The following AARS1 variants were observed in gnomAD, a reference collection of about 807,000 sequenced individuals.
AARS1 encodes alanyl-tRNA synthetase 1.
In AARS1, 72 loss-of-function variants were observed where a neutral mutation model predicts 108.9. The ratio of observed to expected loss-of-function variants is 0.66; its 90% CI spans 0.55 to 0.80. AARS1 has a LOEUF of 0.80. AARS1 is among the 30% of genes least tolerant of loss of function. AARS1 has a pLI of 0.00. For synonymous variants in AARS1, 489 were observed against 465.7 expected (o/e 1.05, Z -0.64); for missense variants, 1,193 against 1,233.2 (o/e 0.97, Z 0.49).
intron 2 of AARS1, among the ~76,000 whole-genome samples, chr16:70,279,982 C>G (rs1960655579): frequency 6.6e-6 from 1 of 152,158 alleles, no homozygotes; most frequent in African/African-American, 2.4e-5. Context: ...CTCCTGGGCT[C>G]AAGCAATACT....
chr16:70,279,325 G>T (rs59384897), intron 2 of AARS1, among the ~76,000 whole-genome samples: 9,387 of 136,726 alleles, frequency 0.069, 1,088 homozygotes, highest in African/African-American at 0.24. Flanking sequence ...AATTCCAGCT[G>T]GGGTGACAGG....
chr16:70,286,548 A>T (rs1220970795), intron 1 of AARS1, among the ~76,000 whole-genome samples: 1 of 152,120 alleles, frequency 6.6e-6, no homozygotes, highest in Non-Finnish European at 1.5e-5. Context: ...TTTAAAAAAA[A>T]TTTTTGAGGC....
At chr16:70,281,602 A>G (rs895570515) in intron 2 of AARS1, among the ~76,000 whole-genome samples, 2 of 152,172 alleles carry the variant, frequency 1.3e-5, no homozygotes, top group Non-Finnish European at 2.9e-5. Context: ...GGAGGCAGAG[A>G]TTGCAGTGAG....
chr16:70,267,096 A>G (rs1960281934), intron 9 of AARS1, among the ~76,000 whole-genome samples: 1 of 152,186 alleles, frequency 6.6e-6, no homozygotes, highest in Admixed American at 6.5e-5. Context: ...TCGGCATCCC[A>G]AAGTGCTAGG....
At chr16:70,268,606 A>G (rs1009524305) in intron 7 of AARS1, among the ~76,000 whole-genome samples, 2 of 152,120 alleles carry the variant, frequency 1.3e-5, no homozygotes, top group African/African-American at 4.8e-5. Flanking sequence ...TTCCTTTCAC[A>G]TTCAGTTACC....
chr16:70,256,727 C>T (rs1283299371), intron 15 of AARS1, among the ~76,000 whole-genome samples: 1 of 152,142 alleles, frequency 6.6e-6, no homozygotes, highest in African/African-American at 2.4e-5. Context: ...ACTCAATCCC[C>T]CAGGCCCCTA....
intron 6 of AARS1, 79 bp from the exon 7 acceptor site, chr16:70,269,842 A>G (rs1960354847): frequency 3.8e-6 from 6 of 1,560,478 alleles, no homozygotes; most frequent in South Asian, 2.2e-5. Flanking sequence ...TTCCTGGAGG[A>G]TTGAGGAGCA....
chr16:70,282,650 AG>A lies in AARS1; in HGVS notation c.113del (p.Thr38IlefsTer9), dbSNP rs1236136790. The A allele has an allele frequency of 6.2e-7, 1 of 1,614,228 alleles. No individual in the cohort carries two copies. The highest frequency in any genetic ancestry group is 1.1e-5 in the South Asian group (1 of 91,090). ...TCATGCCTGCATTGGCAAAGAGCAAAGTGGGGTCATCCAATGGGATGGTGGC... is the reference window on the plus strand; with the variant it reads ...TCATGCCTGCATTGGCAAAGAGCAAATGGGGTCATCCAATGGGATGGTGGC... ...SSATIPLDDP[T>X]LLFANAGMNQ... On this transcript the variant is annotated frameshift_variant, in exon 2 of 21. Transcript: ENST00000261772. LOFTEE classifies it high-confidence loss of function.
rs760103147 is a variant in AARS1 at position 70,276,511 on chromosome 16, A to G, written c.454T>C (p.Cys152Arg). ...EAAGLEADLE[C>R]KQIWQNLGLD... Reference sequence around the variant, plus strand: ...CCCAAATTTTGCCAGATCTGTTTGCATTCCAGATCTGCTTCTAAGCCAGCT... The same window carrying G: ...CCCAAATTTTGCCAGATCTGTTTGCGTTCCAGATCTGCTTCTAAGCCAGCT... Residue 152 changes from cysteine (C) to arginine (R), a missense_variant, in exon 4 of 21, where the codon TGC becomes CGC. Physicochemically the swap from Cys to Arg is radical, Grantham distance 180 (BLOSUM62 -3). Transcript: ENST00000261772. 1 of 1,614,132 alleles carries G rather than the reference A, an allele frequency of 6.2e-7. No individual in the cohort carries two copies. Among genetic ancestry groups the G allele is most frequent in the Non-Finnish European group, 8.5e-7 (1 of 1,180,044 alleles).
At chr16:70,257,704 A>C (rs1041172742) in intron 15 of AARS1, among the ~76,000 whole-genome samples, 1 of 152,134 alleles carries the variant, frequency 6.6e-6, no homozygotes, top group African/African-American at 2.4e-5. Flanking sequence ...CTCAACAAGC[A>C]CTCCAGGCCT....
At chr16:70,288,002 C>A in intron 1 of AARS1, among the ~76,000 whole-genome samples, 1 of 151,526 alleles carries the variant, frequency 6.6e-6, no homozygotes. Flanking sequence ...TGACCTCAGG[C>A]GATCTGCCCG....
intron 1 of AARS1, among the ~76,000 whole-genome samples, chr16:70,287,075 C>T (rs1326977693): frequency 2.6e-5 from 4 of 151,680 alleles, no homozygotes; most frequent in Admixed American, 6.6e-5. Flanking sequence ...CACGGTGAAA[C>T]CCCGTCTCTA....
At chr16:70,274,741 T>C in intron 4 of AARS1, among the ~76,000 whole-genome samples, 1 of 33,062 alleles carries the variant, frequency 3.0e-5, no homozygotes, top group Non-Finnish European at 6.0e-5. Context: ...GGTGGGGGAG[T>C]GGAGTGGGGG....
intron 16 of AARS1, among the ~76,000 whole-genome samples, chr16:70,255,193 C>CCTTTTTT (rs1567601605): frequency 2.4e-5 from 3 of 124,740 alleles, no homozygotes; most frequent in African/African-American, 9.5e-5. Context: ...GCCAGATTCA[C>CCTTTTTT]ATTTTTTTTT....
chr16:70,253,253 C>G lies in AARS1; in HGVS notation c.2721+15G>C, dbSNP rs377325175. The G allele has an allele frequency of 5.1e-5, 81 of 1,581,798 alleles. No homozygotes were observed. The highest frequency in any genetic ancestry group is 6.8e-5 in the Non-Finnish European group (78 of 1,150,974). Reference sequence around the variant, plus strand: ...TAAGACCTAACACTTCCCACTGGTGCGAGGTGGTGCTGACCTGGGGAACTT... The same window carrying G: ...TAAGACCTAACACTTCCCACTGGTGGGAGGTGGTGCTGACCTGGGGAACTT... On this transcript the variant is annotated intron_variant, in intron 20 of 20. Transcript: ENST00000261772.
chr16:70,261,651 A>G (rs1396888997), intron 12 of AARS1, among the ~76,000 whole-genome samples: 1 of 147,472 alleles, frequency 6.8e-6, no homozygotes, highest in African/African-American at 2.5e-5. Flanking sequence ...GACATAACCA[A>G]TATTAAGGAG....
Position 70,282,694 on chromosome 16 carries a change from T to G in AARS1, c.70A>C (p.Thr24Pro), listed in dbSNP as rs768158204. 1.3e-5 allele frequency: 21 copies of G among 1,614,162 alleles called. No individual in the cohort carries two copies. The highest frequency in any genetic ancestry group is 1.8e-5 in the Non-Finnish European group (21 of 1,180,030). Residue 24 changes from threonine (T) to proline (P), a missense_variant, in exon 2 of 21, where the codon ACG becomes CCG. Physicochemically the swap from Thr to Pro is conservative, Grantham distance 38 (BLOSUM62 -1). Transcript: ENST00000261772. ...ATGGTGGCAGACGAGTGAACATACGTATGCTCGTTCCTCTTGAAGAAATCT... is the reference window on the plus strand; with the variant it reads ...ATGGTGGCAGACGAGTGAACATACGGATGCTCGTTCCTCTTGAAGAAATCT... ...FIDFFKRNEH[T>P]YVHSSATIPL...
Position 70,268,365 on chromosome 16 carries a change from C to T in AARS1, c.977G>A (p.Arg326Gln). 3.1e-6 allele frequency: 5 copies of T among 1,614,090 alleles called. No homozygotes were observed. The highest frequency in any genetic ancestry group is 4.2e-6 in the Non-Finnish European group (5 of 1,179,974). ...DNTGRGYVLRRILRRAVRYAH... is the reference protein window; with the variant it reads ...DNTGRGYVLRQILRRAVRYAH... ...GTATCGGACAGCTCGGCGGAGAATC[C>T]GTCTCAACACATATCTGTAAGAGGC... Residue 326 changes from arginine (R) to glutamine (Q), a missense_variant, in exon 8 of 21, where the codon CGG becomes CAG. Coordinates refer to ENST00000261772, the MANE Select transcript of AARS1 (RefSeq NM_001605.3).
chr16:70,255,755 C>A lies in AARS1; in HGVS notation c.2259G>T (p.Val753=). 2 of 1,614,194 alleles carry A rather than the reference C, an allele frequency of 1.2e-6. No homozygotes were observed. The highest frequency in any genetic ancestry group is 1.7e-6 in the Non-Finnish European group (2 of 1,180,022). Residue 753 remains valine, a synonymous_variant, in exon 16 of 21, where the codon GTG becomes GTT. Coordinates refer to ENST00000261772, the MANE Select transcript of AARS1 (RefSeq NM_001605.3). ...TCTGGGCCTCGGCACCTGTGACAGC[C>A]ACAATCCTCCGGATACCCTTGGCAA... ...EAIAKGIRRI[V]AVTGAEAQKA... is the part of the protein sequence containing the mutation.
Sources: allele counts gnomAD v4.1 joint callset (sites outside exome capture counted in the v4.1 genomes callset), GRCh38; gene constraint gnomAD v4.1.1; transcripts MANE v1.5; gene names NCBI Gene and HGNC (gene_info 2026-07-23, HGNC 2026-07-21).